OR5A1: variants seen among roughly 807,000 people sequenced by gnomAD.
OR5A1 encodes olfactory receptor 5A1.
A neutral mutation model predicts 6.7 loss-of-function variants in OR5A1; 6 were observed. That is an observed-to-expected ratio of 0.89 (90% CI 0.49 to 1.76). The LOEUF (loss-of-function observed/expected upper bound fraction) is 1.76, where lower values mean the gene tolerates loss of function less well. Among genes scored for constraint, OR5A1 ranks in the 40% most tolerant of loss-of-function variants. The pLI, the probability that OR5A1 is intolerant of heterozygous loss-of-function variation, is 0.01. For synonymous variants in OR5A1, 170 were observed against 155.0 expected, an observed-to-expected ratio of 1.10 and a Z score of -0.72; for missense variants, 378 against 381.7, an observed-to-expected ratio of 0.99 and a Z score of 0.08.
At position 59,448,447 on chromosome 11, in the gene OR5A1, A is replaced by G. The variant is rs1858577652; in HGVS notation, c.*4331A>G. On this transcript the variant is annotated 3_prime_UTR_variant, in exon 2 of 2. Coordinates refer to ENST00000641045, the MANE Select transcript of OR5A1 (RefSeq NM_001004728.2). ...TCCAGGTCTCAGTCAAGGCCTCTTT[A>G]TGATGACGTTGGTCTCATCCAATGC... is the stretch of plus-strand genomic sequence containing the variant. 6.6e-6 allele frequency: 1 copy of G among 152,204 alleles called. No individual in the cohort carries two copies. Among genetic ancestry groups the G allele is most frequent in the Non-Finnish European group, 1.5e-5 (1 of 68,030 alleles). The allele number at this position is 152,204 out of a possible 1,614,324, so 9.4% of individuals were successfully genotyped here.
At chr11:59,441,680 G>A (rs1472626109) in intron 1 of OR5A1, among the ~76,000 whole-genome samples, 2 of 152,166 alleles carry the variant, frequency 1.3e-5, no homozygotes, top group African/African-American at 4.8e-5. Flanking sequence ...GTGTGAGGGG[G>A]CAATGGGAGT....
In OR5A1 at chr11:59,445,986, T is replaced by C. The variant is rs1858544033; in HGVS notation, c.*1870T>C. On this transcript the variant is annotated 3_prime_UTR_variant, in exon 2 of 2. Transcript: ENST00000641045. Reference sequence around the variant, plus strand: ...CTTCTTTTGCAGAATCTCTTTAGTTTAATTAGATCCCATTTGCCAATGTTT... The same window carrying C: ...CTTCTTTTGCAGAATCTCTTTAGTTCAATTAGATCCCATTTGCCAATGTTT... 6.6e-6 allele frequency: 1 copy of C among 152,260 alleles called. No individual in the cohort carries two copies. Among genetic ancestry groups the C allele is most frequent in the Non-Finnish European group, 1.5e-5 (1 of 68,040 alleles). 9.4% of individuals were successfully genotyped at this position (152,260 alleles called of 1,614,324 possible).
At chr11:59,443,039 A>G (rs1282934450) in intron 1 of OR5A1, 97 bp from the exon 2 acceptor site, 2 of 646,712 alleles carry the variant, frequency 3.1e-6, no homozygotes, top group African/African-American at 1.8e-5. Context: ...GAGTCTTTGC[A>G]TAAAGCTGTA....
At position 59,444,368 on chromosome 11, in the gene OR5A1, A is replaced by G. The variant is rs1565075643; in HGVS notation, c.*252A>G. 3.3e-6 allele frequency: 1 copy of G among 304,412 alleles called. No homozygotes were observed. Among genetic ancestry groups the G allele is most frequent in the East Asian group, 5.0e-5 (1 of 20,074 alleles). The allele number at this position is 304,412 out of a possible 1,614,324, so 18.9% of individuals were successfully genotyped here. ...CCTCCCCAGGATAACCTATTTTCACAATAATCACAATAACTAGCCTTTATT... is the reference window on the plus strand; with the variant it reads ...CCTCCCCAGGATAACCTATTTTCACGATAATCACAATAACTAGCCTTTATT... On this transcript the variant is annotated 3_prime_UTR_variant, in exon 2 of 2. Transcript: ENST00000641045.
intron 1 of OR5A1, among the ~76,000 whole-genome samples, chr11:59,442,398 T>A (rs1858491292): frequency 6.6e-6 from 1 of 151,912 alleles, no homozygotes; most frequent in Non-Finnish European, 1.5e-5. Flanking sequence ...CCTGAGATAC[T>A]GCCATTGCAC....
Position 59,444,418 on chromosome 11 carries a change from A to G in OR5A1, c.*302A>G, listed in dbSNP as rs1858524775. 4.4e-6 allele frequency: 1 copy of G among 227,200 alleles called. No homozygotes were observed. The allele number at this position is 227,200 out of a possible 1,614,324, so 14.1% of individuals were successfully genotyped here. A position where few individuals can be genotyped will look rare whatever the true frequency, so the allele number is the denominator to read the frequency against. ...TGGGCCCTTAGTATGTACCAGGCACAAAAGTTATTTAATTAAATACTCATT... is the reference window on the plus strand; with the variant it reads ...TGGGCCCTTAGTATGTACCAGGCACGAAAGTTATTTAATTAAATACTCATT... On this transcript the variant is annotated 3_prime_UTR_variant, in exon 2 of 2. Transcript: ENST00000641045.
intron 1 of OR5A1, among the ~76,000 whole-genome samples, chr11:59,441,989 T>G (rs1858487280): frequency 6.7e-6 from 1 of 148,352 alleles, no homozygotes. Context: ...GATAGATAGA[T>G]GATAGATGAT....
chr11:59,443,147 G>A lies in OR5A1; in HGVS notation c.-22G>A. On this transcript the variant is annotated 5_prime_UTR_variant, in exon 2 of 2. Transcript: ENST00000641045. Reference sequence around the variant, plus strand: ...CATTACTATCCCAGGTCTGCATCTTGTCCTTGTGGTCCACGGGAAGCATGT... The same window carrying A: ...CATTACTATCCCAGGTCTGCATCTTATCCTTGTGGTCCACGGGAAGCATGT... 1.5e-5 allele frequency: 24 copies of A among 1,590,032 alleles called. No individual in the cohort carries two copies. Among genetic ancestry groups the A allele is most frequent in the Non-Finnish European group, 2.0e-5 (23 of 1,160,154 alleles).
chr11:59,443,096 C>T lies in OR5A1; in HGVS notation c.-33-40C>T, dbSNP rs149548156. The T allele has an allele frequency of 2.8e-4, 317 of 1,148,032 alleles. 3 individuals are homozygous for T. In the African/African-American group the frequency reaches 4.2e-3, roughly 15 times the overall value. The allele number at this position is 1,148,032 out of a possible 1,614,324, so 71.1% of individuals were successfully genotyped here. A position where few individuals can be genotyped will look rare whatever the true frequency, so the allele number is the denominator to read the frequency against. The stretch of plus-strand genomic sequence containing the variant: ...CTCTCAGGCATTTTGTAGTTATTTG[C>T]TAATACCACCTATAATGTGGACTGT... On this transcript the variant is annotated intron_variant, in intron 1 of 1. Coordinates refer to ENST00000641045, the MANE Select transcript of OR5A1 (RefSeq NM_001004728.2).
intron 1 of OR5A1, among the ~76,000 whole-genome samples, chr11:59,441,699 G>A (rs1858481654): frequency 6.6e-6 from 1 of 152,146 alleles, no homozygotes; most frequent in Non-Finnish European, 1.5e-5. Flanking sequence ...GTCCTTACTG[G>A]TGTGGATTTA....
At position 59,443,499 on chromosome 11, in the gene OR5A1, GGTCT is replaced by G. The variant is rs749230443; in HGVS notation, c.337_340del (p.Glu114AlafsTer4). The G allele has an allele frequency of 1.2e-6, 2 of 1,613,814 alleles. No individual in the cohort carries two copies. Among genetic ancestry groups the G allele is most frequent in the East Asian group, 4.5e-5 (2 of 44,866 alleles). On this transcript the variant is annotated frameshift_variant, in exon 2 of 2. Transcript: ENST00000641045. LOFTEE classifies it high-confidence loss of function. ...TCAGTTTTTTTTCTTTGTCGGCATGGGTCTGTCTGAGTGCCTCCTCCTGACTGCT... is the reference window on the plus strand; with the variant it reads ...TCAGTTTTTTTTCTTTGTCGGCATGGGTCTGAGTGCCTCCTCCTGACTGCT...
At position 59,446,919 on chromosome 11, in the gene OR5A1, G is replaced by A. The variant is rs1858556391; in HGVS notation, c.*2803G>A. ...CATAAACAATGCATAGGAAAGCAGA[G>A]ATCCCTTCTCAGGTTTCCTGGGTTC... On this transcript the variant is annotated 3_prime_UTR_variant, in exon 2 of 2. Transcript: ENST00000641045. 1 of 152,202 alleles carries A rather than the reference G, an allele frequency of 6.6e-6. No homozygotes were observed. The highest frequency in any genetic ancestry group is 1.5e-5 in the Non-Finnish European group (1 of 68,038). The allele number at this position is 152,202 out of a possible 1,614,324, so 9.4% of individuals were successfully genotyped here.
In OR5A1 at chr11:59,443,399, T is replaced by C; in HGVS notation, c.231T>C (p.Ser77=). Reference sequence around the variant, plus strand: ...TATCTTTCATTGACATCTGCTACTCTTCTGCTGTGGCTCCCAATATGCTCA... The same window carrying C: ...TATCTTTCATTGACATCTGCTACTCCTCTGCTGTGGCTCCCAATATGCTCA... ...SNLSFIDICY[S]SAVAPNMLTD... is the part of the protein sequence containing the mutation. Residue 77 remains serine (S), a synonymous_variant, in exon 2 of 2, where the codon TCT becomes TCC. Coordinates refer to ENST00000641045, the MANE Select transcript of OR5A1 (RefSeq NM_001004728.2). 6.2e-7 allele frequency: 1 copy of C among 1,613,902 alleles called. No individual in the cohort carries two copies. Among genetic ancestry groups the C allele is most frequent in the Non-Finnish European group, 8.5e-7 (1 of 1,180,016 alleles).
At chr11:59,442,059 G>A in intron 1 of OR5A1, among the ~76,000 whole-genome samples, 1 of 152,174 alleles carries the variant, frequency 6.6e-6, no homozygotes, top group Non-Finnish European at 1.5e-5. Context: ...TACAGAGAGA[G>A]AGAGTTCAAG....
rs1858584692 is a variant in OR5A1, at chr11:59,448,972, T to C, written c.*4856T>C. On this transcript the variant is annotated 3_prime_UTR_variant, in exon 2 of 2. Coordinates refer to ENST00000641045, the MANE Select transcript of OR5A1 (RefSeq NM_001004728.2). Reference sequence around the variant, plus strand: ...AATTTAGAGAAGGAGCCTTTGGAGATTCCTCAGACTTCCCTGTACACAGTT... The same window carrying C: ...AATTTAGAGAAGGAGCCTTTGGAGACTCCTCAGACTTCCCTGTACACAGTT... 6.6e-6 allele frequency: 1 copy of C among 152,126 alleles called. No homozygotes were observed. Among genetic ancestry groups the C allele is most frequent in the Admixed American group, 6.6e-5 (1 of 15,252 alleles). 9.4% of individuals were successfully genotyped at this position (152,126 alleles called of 1,614,324 possible). A position where few individuals can be genotyped will look rare whatever the true frequency, so the allele number is the denominator to read the frequency against.
In OR5A1 at chr11:59,443,488, T is replaced by A. The variant is rs1169069173; in HGVS notation, c.320T>A (p.Phe107Tyr). Residue 107 changes from phenylalanine to tyrosine, a missense_variant, in exon 2 of 2, where the codon TTT (phenylalanine) becomes TAT (tyrosine). Phe to Tyr is a conservative substitution (Grantham distance 22). Coordinates refer to ENST00000641045, the MANE Select transcript of OR5A1 (RefSeq NM_001004728.2). ...FVGCAAQFFF[F>Y]VGMGLSECLL... ...GGCTGTGCTGCTCAGTTTTTTTTCT[T>A]TGTCGGCATGGGTCTGTCTGAGTGC... is the stretch of plus-strand genomic sequence containing the variant. 4 of 1,614,102 alleles carry A rather than the reference T, an allele frequency of 2.5e-6. No homozygotes were observed. The highest frequency in any genetic ancestry group is 3.4e-6 in the Non-Finnish European group (4 of 1,180,016).
In OR5A1 at chr11:59,448,044, A is replaced by C. The variant is rs182802154; in HGVS notation, c.*3928A>C. The C allele has an allele frequency of 3.9e-5, 6 of 152,308 alleles. No homozygotes were observed. In the East Asian group the frequency reaches 1.2e-3, roughly 29 times the overall value. The allele number at this position is 152,308 out of a possible 1,614,324, so 9.4% of individuals were successfully genotyped here. A position where few individuals can be genotyped will look rare whatever the true frequency, so the allele number is the denominator to read the frequency against. On this transcript the variant is annotated 3_prime_UTR_variant, in exon 2 of 2. Coordinates refer to ENST00000641045, the MANE Select transcript of OR5A1 (RefSeq NM_001004728.2). Reference sequence around the variant, plus strand: ...CAAAAAAACACACTAATGATAGCTGATGAGCTTTAAAAAAATCACAAAAAA... The same window carrying C: ...CAAAAAAACACACTAATGATAGCTGCTGAGCTTTAAAAAAATCACAAAAAA...
rs1328491079 is a variant in OR5A1 at position 59,445,855 on chromosome 11, GTTGT to G, written c.*1746_*1749del. 4 of 151,986 alleles carry G rather than the reference GTTGT, an allele frequency of 2.6e-5. No homozygotes were observed. Among genetic ancestry groups the G allele is most frequent in the South Asian group, 4.1e-4 (2 of 4,820 alleles). The allele number at this position is 151,986 out of a possible 1,614,324, so 9.4% of individuals were successfully genotyped here. ...TGTCATTTGCCCACTTTTAGATAGG[GTTGT>G]TTGTTTTTTTCTTGTAAATTTGTTT... On this transcript the variant is annotated 3_prime_UTR_variant, in exon 2 of 2. Coordinates refer to ENST00000641045, the MANE Select transcript of OR5A1 (RefSeq NM_001004728.2).
In OR5A1 at chr11:59,447,117, C is replaced by T. The variant is rs1484431407; in HGVS notation, c.*3001C>T. On this transcript the variant is annotated 3_prime_UTR_variant, in exon 2 of 2. Coordinates refer to ENST00000641045, the MANE Select transcript of OR5A1 (RefSeq NM_001004728.2). ...TTAAGCCATTGAATCCCTATTGACA[C>T]AGCCATTGAGTGGAAGCTGACTCAG... The T allele has an allele frequency of 6.6e-6, 1 of 152,226 alleles. No individual in the cohort carries two copies. The highest frequency in any genetic ancestry group is 6.5e-5 in the Admixed American group (1 of 15,284). 9.4% of individuals were successfully genotyped at this position (152,226 alleles called of 1,614,324 possible).
Sources: gnomAD v4.1 joint callset for allele counts (sites outside exome capture counted in the v4.1 genomes callset) on GRCh38, gnomAD v4.1.1 for gene constraint, MANE v1.5 for transcripts, NCBI Gene and HGNC (gene_info 2026-07-23, HGNC 2026-07-21) for gene names.